The following SYNPR variants were observed in gnomAD, a reference collection of about 807,000 sequenced individuals.
The protein encoded by SYNPR is synaptoporin.
SYNPR carries 23 observed loss-of-function variants against 32.9 expected under a neutral mutation model. The ratio of observed to expected loss-of-function variants is 0.70; its 90% CI spans 0.50 to 0.99. SYNPR has a LOEUF of 0.99. SYNPR is among the 50% of genes least tolerant of loss of function. The pLI, the probability that SYNPR is intolerant of heterozygous loss-of-function variation, is 0.00. For synonymous variants in SYNPR, 146 were observed against 135.9 expected, an observed-to-expected ratio of 1.07 and a Z score of -0.52; for missense variants, 318 against 349.3, an observed-to-expected ratio of 0.91 and a Z score of 0.71.
At chr3:63,449,313 T>G (rs181923514) in intron 2 of SYNPR, among the ~76,000 whole-genome samples, 1 of 152,212 alleles carries the variant, frequency 6.6e-6, no homozygotes, top group Admixed American at 6.6e-5. Context: ...AGTACACTAC[T>G]AGATGCTAGG....
the SYNPR span, among the ~76,000 whole-genome samples, chr3:63,207,552 C>T: frequency 1.3e-5 from 2 of 152,190 alleles, no homozygotes; most frequent in Admixed American, 1.3e-4. Flanking sequence ...ATGGACTTAT[C>T]TAAAATAAGT....
intron 3 of SYNPR, among the ~76,000 whole-genome samples, chr3:63,484,016 G>A (rs1431992179): frequency 1.3e-5 from 2 of 152,098 alleles, no homozygotes; most frequent in Non-Finnish European, 1.5e-5. Context: ...ATCAAAGGAA[G>A]CTACTTAACC....
chr3:63,573,677 C>T (rs1702929247), intron 4 of SYNPR, among the ~76,000 whole-genome samples: 2 of 152,070 alleles, frequency 1.3e-5, no homozygotes, highest in Non-Finnish European at 2.9e-5. Context: ...TCAGGATGTC[C>T]AAGAAACACC....
At chr3:63,390,743 T>C (rs967469151) in intron 2 of SYNPR, among the ~76,000 whole-genome samples, 1 of 152,172 alleles carries the variant, frequency 6.6e-6, no homozygotes, top group African/African-American at 2.4e-5. Context: ...CTCGGGGCCT[T>C]CCCCCACATT....
intron 2 of SYNPR, among the ~76,000 whole-genome samples, chr3:63,313,556 G>C (rs1409880675): frequency 2.0e-5 from 3 of 148,056 alleles, no homozygotes; most frequent in African/African-American, 7.5e-5. Context: ...CCTTTTTATG[G>C]CTGCATAGTA....
At chr3:63,257,098 T>G (rs1418488900) in intron 2 of SYNPR, among the ~76,000 whole-genome samples, 1 of 152,140 alleles carries the variant, frequency 6.6e-6, no homozygotes, top group East Asian at 1.9e-4. Context: ...ATCTGATTGG[T>G]GTACCTGAAA....
At chr3:63,232,191 A>ATTTTT (rs1560163354) in intron 1 of SYNPR, among the ~76,000 whole-genome samples, 6 of 76,196 alleles carry the variant, frequency 7.9e-5, no homozygotes, top group Non-Finnish European at 1.6e-4. Context: ...TCAGATTCTG[A>ATTTTT]CTTTTTTTTT....
At chr3:63,302,579 T>C (rs144450484) in intron 2 of SYNPR, among the ~76,000 whole-genome samples, 247 of 152,182 alleles carry the variant, frequency 1.6e-3, no homozygotes, top group African/African-American at 5.9e-3. Flanking sequence ...GCATATGATA[T>C]ATCACAGTCC....
intron 2 of SYNPR, among the ~76,000 whole-genome samples, chr3:63,380,854 C>G (rs1220608008): frequency 2.0e-5 from 3 of 152,226 alleles, no homozygotes; most frequent in Admixed American, 6.5e-5. Context: ...ATTCAACAGC[C>G]CTTCATGCTA....
chr3:63,425,079 T>C lies in SYNPR; in HGVS notation c.85-55753T>C, dbSNP rs1030985289. On this transcript the variant is annotated intron_variant, in intron 2 of 5. Transcript: ENST00000478300. Reference sequence around the variant, plus strand: ...GCCCTTACCTCTCTCCATTTTATCTTTAAAATGAAATATTGTGCCATCACA... The same window carrying C: ...GCCCTTACCTCTCTCCATTTTATCTCTAAAATGAAATATTGTGCCATCACA... 9.6e-4 allele frequency among the ~76,000 whole-genome samples: 146 copies of C among 152,326 alleles called. 2 individuals carry two copies. The highest frequency in any genetic ancestry group is 4.3e-4 in the Non-Finnish European group (29 of 68,034).
At chr3:63,455,604 G>A (rs778321455) in intron 2 of SYNPR, among the ~76,000 whole-genome samples, 8 of 152,058 alleles carry the variant, frequency 5.3e-5, no homozygotes, top group Non-Finnish European at 8.8e-5. Flanking sequence ...ATTTCCTAAC[G>A]TATGTGGCTC....
At chr3:63,351,929 C>G (rs2087515616) in intron 2 of SYNPR, among the ~76,000 whole-genome samples, 1 of 152,236 alleles carries the variant, frequency 6.6e-6, no homozygotes, top group South Asian at 2.1e-4. Flanking sequence ...TCGACTCATA[C>G]AGTGAGAACT....
chr3:63,438,115 CAG>C (rs1700116113), intron 2 of SYNPR, among the ~76,000 whole-genome samples: 1 of 152,168 alleles, frequency 6.6e-6, no homozygotes, highest in Non-Finnish European at 1.5e-5. Flanking sequence ...GCTGAGGATA[CAG>C]AGATAGTAAG....
At chr3:63,218,736 A>T in the SYNPR span, among the ~76,000 whole-genome samples, 1 of 152,160 alleles carries the variant, frequency 6.6e-6, no homozygotes, top group Non-Finnish European at 1.5e-5. Flanking sequence ...AAGCGATACA[A>T]AGGGCCAGAG....
intron 2 of SYNPR, among the ~76,000 whole-genome samples, chr3:63,432,782 T>G (rs1700016188): frequency 6.6e-6 from 1 of 152,188 alleles, no homozygotes; most frequent in African/African-American, 2.4e-5. Context: ...GCTCAGAGCT[T>G]GTGTTGAACA....
At chr3:63,463,893 T>A (rs1700633130) in intron 2 of SYNPR, among the ~76,000 whole-genome samples, 1 of 152,220 alleles carries the variant, frequency 6.6e-6, no homozygotes, top group South Asian at 2.1e-4. Flanking sequence ...ATTTTATTTA[T>A]CTATTTTTTT....
the SYNPR span, among the ~76,000 whole-genome samples, chr3:63,208,205 A>C: frequency 6.6e-6 from 1 of 152,170 alleles, no homozygotes; most frequent in African/African-American, 2.4e-5. Context: ...TCTCACTTAG[A>C]GTGATGCCCT....
chr3:63,337,432 C>T (rs2087309625), intron 2 of SYNPR, among the ~76,000 whole-genome samples: 1 of 152,058 alleles, frequency 6.6e-6, no homozygotes, highest in Admixed American at 6.6e-5. Context: ...CAAAATGGTA[C>T]AGTCACTCTA....
chr3:63,218,960 A>G, the SYNPR span, among the ~76,000 whole-genome samples: 1 of 152,224 alleles, frequency 6.6e-6, no homozygotes, highest in Non-Finnish European at 1.5e-5. Context: ...TGCTATATGC[A>G]GGAATACAGA....
Sources: allele counts gnomAD v4.1 joint callset (sites outside exome capture counted in the v4.1 genomes callset), GRCh38; gene constraint gnomAD v4.1.1; transcripts MANE v1.5; gene names NCBI Gene and HGNC (gene_info 2026-07-23, HGNC 2026-07-21).